Variants in ASTN2 observed in about 807,000 individuals in gnomAD.
ASTN2 encodes astrotactin 2.
A neutral mutation model predicts 139.8 loss-of-function variants in ASTN2; 54 were observed. The observed-to-expected ratio is 0.39, with a 90% confidence interval of 0.31 to 0.48. ASTN2 has a LOEUF of 0.48. ASTN2 is among the 20% of genes least tolerant of loss of function. The probability of loss-of-function intolerance (pLI) is 0.95; values close to 1 mark genes in which losing one functional copy is unlikely to be tolerated. For synonymous variants in ASTN2, 756 were observed against 719.5 expected, an observed-to-expected ratio of 1.05 and a Z score of -0.81; for missense variants, 1,565 against 1,725.1, an observed-to-expected ratio of 0.91 and a Z score of 1.64.
intron 3 of ASTN2, among the ~76,000 whole-genome samples, chr9:117,182,050 A>T (rs991663864): frequency 1.3e-5 from 2 of 152,028 alleles, no homozygotes; most frequent in Admixed American, 6.5e-5. Flanking sequence ...GGGGCTGCCA[A>T]TTTCACAGTT....
intron 12 of ASTN2, among the ~76,000 whole-genome samples, chr9:116,820,194 A>G (rs1831447622): frequency 6.6e-6 from 1 of 152,170 alleles, no homozygotes; most frequent in African/African-American, 2.4e-5. Context: ...TTCCTGCTGA[A>G]ACCAAGCTTG....
chr9:116,865,141 T>C (rs1411096215), intron 10 of ASTN2, among the ~76,000 whole-genome samples: 2 of 151,904 alleles, frequency 1.3e-5, no homozygotes, highest in African/African-American at 4.8e-5. Flanking sequence ...ATGCAGGAGG[T>C]TTATTGCCAA....
chr9:116,672,863 T>C lies in ASTN2; in HGVS notation c.2807-21070A>G, dbSNP rs140689835. 5.6e-3 allele frequency among the ~76,000 whole-genome samples: 850 copies of C among 152,320 alleles called. 11 individuals carry two copies. Among genetic ancestry groups the C allele is most frequent in the African/African-American group, 0.02 (813 of 41,556 alleles). The stretch of plus-strand genomic sequence containing the variant: ...AGCCCTCACTTTTTCTAGATAATGG[T>C]GTCCTTAATAAGCAAACTTAGTTTA... On this transcript the variant is annotated intron_variant, in intron 16 of 22. Coordinates refer to ENST00000313400, the MANE Select transcript of ASTN2 (RefSeq NM_001365068.1).
At chr9:117,065,339 C>T (rs550815170) in intron 5 of ASTN2, among the ~76,000 whole-genome samples, 1 of 152,288 alleles carries the variant, frequency 6.6e-6, no homozygotes, top group South Asian at 2.1e-4. Context: ...TATCCCCCTC[C>T]TGGAGTGCCT....
chr9:116,956,085 T>C (rs1835697154), intron 10 of ASTN2, among the ~76,000 whole-genome samples: 1 of 114,806 alleles, frequency 8.7e-6, no homozygotes, highest in Non-Finnish European at 1.9e-5. Context: ...TCTTTTTTCT[T>C]TTTCTTTTCT....
At chr9:116,511,605 A>G (rs1850384784) in intron 19 of ASTN2, among the ~76,000 whole-genome samples, 3 of 152,190 alleles carry the variant, frequency 2.0e-5, no homozygotes, top group Admixed American at 2.0e-4. Context: ...TACCTCTGGT[A>G]GAATTTGGCT....
intron 10 of ASTN2, among the ~76,000 whole-genome samples, chr9:116,960,663 C>A (rs573197357): frequency 6.6e-6 from 1 of 151,954 alleles, no homozygotes; most frequent in South Asian, 2.1e-4. Context: ...TGTAACCCCC[C>A]AGAAATGTTT....
intron 5 of ASTN2, among the ~76,000 whole-genome samples, chr9:117,086,612 G>A (rs1164094977): frequency 6.6e-6 from 1 of 151,964 alleles, no homozygotes; most frequent in Non-Finnish European, 1.5e-5. Context: ...CCAAGTCTTA[G>A]GACTTCCAGT....
chr9:117,111,723 C>T (rs1230320350), intron 4 of ASTN2, among the ~76,000 whole-genome samples: 6 of 151,812 alleles, frequency 4.0e-5, no homozygotes, highest in African/African-American at 1.5e-4. Flanking sequence ...ATGATTTAAA[C>T]ATGGGAAAAA....
intron 13 of ASTN2, among the ~76,000 whole-genome samples, chr9:116,799,889 A>G (rs1003954514): frequency 6.6e-6 from 1 of 152,186 alleles, no homozygotes; most frequent in African/African-American, 2.4e-5. Flanking sequence ...GATAAGAAAC[A>G]ACAAAGCTTG....
At chr9:117,383,349 T>G (rs1374164816) in intron 1 of ASTN2, among the ~76,000 whole-genome samples, 1 of 152,168 alleles carries the variant, frequency 6.6e-6, no homozygotes, top group Non-Finnish European at 1.5e-5. Flanking sequence ...GACCAGTGGG[T>G]GCCTACAAAC....
intron 11 of ASTN2, among the ~76,000 whole-genome samples, chr9:116,855,623 A>G (rs1409640): frequency 0.69 from 105,207 of 152,062 alleles, 36,703 homozygotes; most frequent in Non-Finnish European, 0.74. Flanking sequence ...CATTGGGGAC[A>G]TTCGCCTTAT....
intron 11 of ASTN2, among the ~76,000 whole-genome samples, chr9:116,856,040 TTGA>T (rs1228949756): frequency 6.6e-6 from 1 of 152,192 alleles, no homozygotes; most frequent in Non-Finnish European, 1.5e-5. Flanking sequence ...AGAGGATACT[TTGA>T]TGAAGACACC....
At chr9:116,845,792 C>T (rs1323801544) in intron 11 of ASTN2, among the ~76,000 whole-genome samples, 2 of 152,106 alleles carry the variant, frequency 1.3e-5, no homozygotes, top group Non-Finnish European at 2.9e-5. Flanking sequence ...AATGGTGCAG[C>T]TGCTATGAAA....
chr9:116,870,597 T>C (rs948464945), intron 10 of ASTN2, among the ~76,000 whole-genome samples: 7 of 152,186 alleles, frequency 4.6e-5, no homozygotes, highest in African/African-American at 1.7e-4. Flanking sequence ...TTATTATTTT[T>C]TTCTGTTAAT....
At chr9:116,603,546 G>C (rs559856220) in intron 19 of ASTN2, among the ~76,000 whole-genome samples, 3 of 152,352 alleles carry the variant, frequency 2.0e-5, no homozygotes, top group African/African-American at 7.2e-5. Context: ...CAAGAACCCA[G>C]ATGAAGAGAA....
intron 22 of ASTN2, among the ~76,000 whole-genome samples, chr9:116,439,194 A>AT (rs1016270368): frequency 0.071 from 4,027 of 56,592 alleles, 453 homozygotes; most frequent in Middle Eastern, 0.12. Context: ...ATTCAAATAC[A>AT]TTTTTTTTTT....
At chr9:116,772,520 T>G (rs1418195536) in intron 13 of ASTN2, among the ~76,000 whole-genome samples, 1 of 152,068 alleles carries the variant, frequency 6.6e-6, no homozygotes, top group African/African-American at 2.4e-5. Flanking sequence ...GAGAACAGAG[T>G]AATACTGGTG....
intron 20 of ASTN2, among the ~76,000 whole-genome samples, chr9:116,464,441 T>C (rs560360010): frequency 6.6e-6 from 1 of 152,344 alleles, no homozygotes; most frequent in Non-Finnish European, 1.5e-5. Context: ...TAGATATTGA[T>C]GTTACTAGTG....
Sources: allele counts gnomAD v4.1 joint callset (sites outside exome capture counted in the v4.1 genomes callset), GRCh38; gene constraint gnomAD v4.1.1; transcripts MANE v1.5; gene names NCBI Gene and HGNC (gene_info 2026-07-23, HGNC 2026-07-21).